The following NXF1 variants were observed in gnomAD, a reference collection of about 807,000 sequenced individuals.
NXF1 encodes the protein mRNA export factor TAP.
A neutral mutation model predicts 92.4 loss-of-function variants in NXF1; 43 were observed. The ratio of observed to expected loss-of-function variants is 0.47; its 90% CI spans 0.36 to 0.60. The LOEUF is 0.60. Among genes scored for constraint, NXF1 ranks in the 20% least tolerant of loss-of-function variants. The pLI is 0.00. For missense variants in NXF1, 576 were observed against 793.0 expected, an observed-to-expected ratio of 0.73 and a Z score of 3.29; for synonymous variants, 288 against 292.2, an observed-to-expected ratio of 0.99 and a Z score of 0.15.
In NXF1 at chr11:62,796,359, A is replaced by G; in HGVS notation, c.1287-14T>C. 6.2e-7 allele frequency: 1 copy of G among 1,614,160 alleles called. No homozygotes were observed. The highest frequency in any genetic ancestry group is 1.1e-5 in the South Asian group (1 of 91,086). On this transcript the variant is annotated splice_polypyrimidine_tract_variant and intron_variant, in intron 14 of 20. Coordinates refer to ENST00000294172, the MANE Select transcript of NXF1 (RefSeq NM_006362.5). ...GCTAAGCTGCTTCTGGGGGAATAAAAGGAATGGACGTGGTGTTCAGAGCAG... is the reference window on the plus strand; with the variant it reads ...GCTAAGCTGCTTCTGGGGGAATAAAGGGAATGGACGTGGTGTTCAGAGCAG...
At chr11:62,799,874 C>T in intron 10 of NXF1, 1 of 987,548 alleles carries the variant, frequency 1.0e-6, no homozygotes, top group Admixed American at 6.0e-5. Flanking sequence ...AGCAACAGCC[C>T]TGGGCAAGTG....
Position 62,796,480 on chromosome 11 carries a change from G to A in NXF1, c.1266C>T (p.Phe422=), listed in dbSNP as rs750511885. ...CTAACCGGGCAGGGTTCTGAGGAAT[G>A]AAAGGAATGCTCAGGGAACAGCAGG... ...DGACCSLSIP[F]IPQNPARSSL... The change falls in exon 14 of 21, where the codon TTC becomes TTT. Residue 422 remains phenylalanine (F), a synonymous_variant. Transcript: ENST00000294172. 12 of 1,614,074 alleles carry A rather than the reference G, an allele frequency of 7.4e-6. No homozygotes were observed. The highest frequency in any genetic ancestry group is 1.0e-5 in the Non-Finnish European group (12 of 1,180,026).
At chr11:62,798,486 C>G in intron 11 of NXF1, 53 bp downstream of exon 11, 5 of 1,597,068 alleles carry the variant, frequency 3.1e-6, no homozygotes, top group Non-Finnish European at 1.7e-6. Context: ...ATCCAGGAAT[C>G]CTTGTGAGTG....
chr11:62,803,908 A>G lies in NXF1; in HGVS notation c.99T>C (p.Tyr33=), dbSNP rs761840868. The G allele has an allele frequency of 1.1e-5, 17 of 1,614,048 alleles. No individual in the cohort carries two copies. The highest frequency in any genetic ancestry group is 6.7e-5 in the Admixed American group (4 of 59,994). ...TTCCAGACCTACGGTTTCCTTCACC[A>G]TATTTCCACCGGAAGGGACCCCGGC... ...KKGRGPFRWK[Y]GEGNRRSGRG... The change falls in exon 2 of 21, where the codon TAT becomes TAC. Residue 33 remains tyrosine (Y), a synonymous_variant. Transcript: ENST00000294172.
intron 13 of NXF1, 119 bp from the exon 14 acceptor site, chr11:62,796,686 CT>C (rs952761371): frequency 1.5e-6 from 1 of 680,988 alleles, no homozygotes; most frequent in Non-Finnish European, 2.6e-6. Context: ...AATCCCAGCA[CT>C]TTGGGAGGCT....
Position 62,796,170 on chromosome 11 carries a change from G to A in NXF1, c.1357C>T (p.Arg453Trp). The change falls in exon 16 of 21, where the codon CGG becomes TGG. Residue 453 changes from arginine (R) to tryptophan (W), a missense_variant. Physicochemically the swap from Arg to Trp is moderately radical, Grantham distance 101 (BLOSUM62 -3). Around this residue, in one of 2 missense-constraint regions of NXF1, gnomAD observed 425 missense variants for 635.2 expected, o/e 0.67. Transcript: ENST00000294172. ...KKLKDPTLRF[R>W]LLKHTRLNVV... The stretch of plus-strand genomic sequence containing the variant: ...TTGAGACGCGTGTGCTTCAGCAGCC[G>A]GAACCGCAAGGCTGTGGGTAGAGGA... 1.9e-6 allele frequency: 3 copies of A among 1,614,138 alleles called. No individual in the cohort carries two copies. The highest frequency in any genetic ancestry group is 1.3e-5 in the African/African-American group (1 of 75,026).
rs572447497 is a variant in NXF1, at chr11:62,792,474, G to A, written c.*2C>T. On this transcript the variant is annotated 3_prime_UTR_variant, in exon 21 of 21. Transcript: ENST00000294172. ...GGGACTGCTTCTGAGGCATGACTAC[G>A]ATCACTTCATGAATGCCACTTCTGG... 3.2e-5 allele frequency: 51 copies of A among 1,614,120 alleles called. No homozygotes were observed. The highest frequency in any genetic ancestry group is 4.0e-5 in the Non-Finnish European group (47 of 1,179,990).
chr11:62,795,066 C>G, intron 17 of NXF1, 59 bp from the exon 18 acceptor site: 1 of 1,466,260 alleles, frequency 6.8e-7, no homozygotes, highest in South Asian at 1.1e-5. Flanking sequence ...TTACAAACAG[C>G]TTCTTGAATC....
chr11:62,792,847 A>AAT, intron 19 of NXF1, 146 bp from the exon 20 acceptor site: 2 of 661,536 alleles, frequency 3.0e-6, no homozygotes, highest in Non-Finnish European at 5.3e-6. Flanking sequence ...AGACATTAGT[A>AAT]AAAGTCCAGA....
At chr11:62,799,412 G>A in intron 10 of NXF1, 1 of 985,724 alleles carries the variant, frequency 1.0e-6, no homozygotes, top group African/African-American at 1.7e-5. Flanking sequence ...ATGGGGGCAG[G>A]AGACCTCCCT....
chr11:62,798,475 T>TC, intron 11 of NXF1, 64 bp downstream of exon 11: 1 of 1,560,104 alleles, frequency 6.4e-7, no homozygotes, highest in South Asian at 1.2e-5. Context: ...AAAAGAAACC[T>TC]ATCCAGGAAT....
At position 62,805,403 on chromosome 11, in the gene NXF1, G is replaced by A. The variant is rs371315222; in HGVS notation, c.-47C>T. 340 of 1,607,380 alleles carry A rather than the reference G, an allele frequency of 2.1e-4. No homozygotes were observed. Among genetic ancestry groups the A allele is most frequent in the Non-Finnish European group, 2.4e-4 (285 of 1,177,216 alleles). On this transcript the variant is annotated 5_prime_UTR_variant, in exon 1 of 21. Coordinates refer to ENST00000294172, the MANE Select transcript of NXF1 (RefSeq NM_006362.5). ...GGGCTCAGGCGCTGGCCGCTACGCC[G>A]GCAAACAACCTAACTCCCAAGCGCT...
intron 12 of NXF1, 32 bp from the exon 13 acceptor site, chr11:62,797,270 G>A: frequency 6.2e-7 from 1 of 1,613,910 alleles, no homozygotes; most frequent in Non-Finnish European, 8.5e-7. Context: ...GAACATGGAA[G>A]CAGTATTCTC....
rs987251288 is a variant in NXF1 at position 62,794,347 on chromosome 11, G to A, written c.1671C>T (p.Ser557=). 4 of 1,614,184 alleles carry A rather than the reference G, an allele frequency of 2.5e-6. No homozygotes were observed. Among genetic ancestry groups the A allele is most frequent in the Non-Finnish European group, 3.4e-6 (4 of 1,180,030 alleles). The change falls in exon 19 of 21, where the codon TCC becomes TCT. Residue 557 remains serine (S), a synonymous_variant. Coordinates refer to ENST00000294172, the MANE Select transcript of NXF1 (RefSeq NM_006362.5). ...CTGGAGAGAGGGTGGGCACCGGGCT[G>A]GAGGAAGGCGTGGGTGCAGGCATAG... ...AFAMPAPTPS[S]SPVPTLSPEQ... is the part of the protein sequence containing the mutation.
In NXF1 at chr11:62,795,937, A is replaced by G. The variant is rs1356444449; in HGVS notation, c.1468T>C (p.Leu490=). 4 of 1,613,918 alleles carry G rather than the reference A, an allele frequency of 2.5e-6. No individual in the cohort carries two copies. In the South Asian group the frequency reaches 4.4e-5, roughly 18 times the overall value. Residue 490 remains leucine, a synonymous_variant, in exon 17 of 21, where the codon TTG becomes CTG. Coordinates refer to ENST00000294172, the MANE Select transcript of NXF1 (RefSeq NM_006362.5). ...ACTCCATTGACAGAAAAACACAGCA[A>G]TGTGCTCTGAAAGAGAAGCAGCATC... The part of the protein sequence containing the change: ...VVDISAQTST[L]LCFSVNGVFK...
rs1316448200 is a variant in NXF1, at chr11:62,792,280, T to A, written c.*196A>T. The A allele has an allele frequency of 1.3e-6, 1 of 749,854 alleles. No homozygotes were observed. Among genetic ancestry groups the A allele is most frequent in the Non-Finnish European group, 2.3e-6 (1 of 441,700 alleles). The allele number at this position is 749,854 out of a possible 1,614,324, so 46.5% of individuals were successfully genotyped here. ...TCAGTTCTACAAAGTAAGCTTTGGC[T>A]TCCTGGCACCAGTGAGGCTCAATCT... is the stretch of plus-strand genomic sequence containing the variant. On this transcript the variant is annotated 3_prime_UTR_variant, in exon 21 of 21. Transcript: ENST00000294172.
chr11:62,798,830 C>T (rs940938034), intron 10 of NXF1: 14 of 1,300,812 alleles, frequency 1.1e-5, no homozygotes, highest in Middle Eastern at 2.9e-4. Flanking sequence ...TACTCCAAGC[C>T]CAGGCTTTAA....
chr11:62,792,177 A>G lies in NXF1; in HGVS notation c.*299T>C, dbSNP rs1590946909. 1 of 637,780 alleles carries G rather than the reference A, an allele frequency of 1.6e-6. No homozygotes were observed. The highest frequency in any genetic ancestry group is 2.7e-5 in the East Asian group (1 of 36,392). 39.5% of individuals were successfully genotyped at this position (637,780 alleles called of 1,614,324 possible). On this transcript the variant is annotated 3_prime_UTR_variant, in exon 21 of 21. Coordinates refer to ENST00000294172, the MANE Select transcript of NXF1 (RefSeq NM_006362.5). ...AAAAGTGCAGAACACGAAATACAAC[A>G]TCACTCTTTATATTAAAAAGTAAGG...
chr11:62,797,365 G>A lies in NXF1; in HGVS notation c.1075C>T (p.Pro359Ser). 6.2e-7 allele frequency: 1 copy of A among 1,613,712 alleles called. No individual in the cohort carries two copies. Among genetic ancestry groups the A allele is most frequent in the Non-Finnish European group, 8.5e-7 (1 of 1,179,998 alleles). The change falls in exon 12 of 21, where the codon CCA becomes TCA. Residue 359 changes from proline (P) to serine (S), a missense_variant. Coordinates refer to ENST00000294172, the MANE Select transcript of NXF1 (RefSeq NM_006362.5). ...LRLDGHELPPPIAFDVEAPTT... is the reference protein window; with the variant it reads ...LRLDGHELPPSIAFDVEAPTT... ...GGGGCTTCAACATCAAAGGCAATTG[G>A]TGGGGGTAGCTCATGGCCATCCTGT...
Sources: allele counts gnomAD v4.1 joint callset, GRCh38; gene constraint gnomAD v4.1.1; regional missense constraint gnomAD v4.1.1; transcripts MANE v1.5; gene names NCBI Gene and HGNC (gene_info 2026-07-23, HGNC 2026-07-21).